The following DPYSL5 variants were observed in gnomAD, a reference collection of about 807,000 sequenced individuals.
DPYSL5 encodes dihydropyrimidinase-related protein 5.
DPYSL5 carries 9 observed loss-of-function variants against 58.4 expected under a neutral mutation model. The ratio of observed to expected loss-of-function variants is 0.15; its 90% CI spans 0.09 to 0.27. DPYSL5 has a LOEUF of 0.27. DPYSL5 is among the 10% of genes least tolerant of loss of function. DPYSL5 has a pLI of 1.00. For synonymous variants in DPYSL5, 293 were observed against 301.9 expected, an observed-to-expected ratio of 0.97 and a Z score of 0.31; for missense variants, 499 against 770.6, an observed-to-expected ratio of 0.65 and a Z score of 4.17.
At position 26,927,532 on chromosome 2, in the gene DPYSL5, G is replaced by C; in HGVS notation, c.600+100G>C. The stretch of plus-strand genomic sequence containing the variant: ...CCCGTCACTGATCCCACAGGATTCA[G>C]ACAAAATCAGTTGTTAAAGTGTGAG... On this transcript the variant is annotated intron_variant, in intron 4 of 12. Coordinates refer to ENST00000288699, the MANE Select transcript of DPYSL5 (RefSeq NM_020134.4). The surrounding 1 kb of genome is among the most constrained non-coding windows in gnomAD (Gnocchi z 4.3). The C allele has an allele frequency of 6.9e-7, 1 of 1,441,706 alleles. No homozygotes were observed. The highest frequency in any genetic ancestry group is 9.3e-7 in the Non-Finnish European group (1 of 1,072,620). The allele number at this position is 1,441,706 out of a possible 1,614,324, so 89.3% of individuals were successfully genotyped here. A position where few individuals can be genotyped will look rare whatever the true frequency, so the allele number is the denominator to read the frequency against.
chr2:26,858,375 G>A (rs1665931115), intron 1 of DPYSL5, among the ~76,000 whole-genome samples: 1 of 151,898 alleles, frequency 6.6e-6, no homozygotes, highest in South Asian at 2.1e-4. Context: ...GTTTCACCGT[G>A]TTAGCCAGGA....
intron 8 of DPYSL5, chr2:26,938,382 ACC>A (rs1665236488): frequency 6.6e-6 from 1 of 152,204 alleles, no homozygotes; most frequent in Non-Finnish European, 1.5e-5. Context: ...GAGAAAGGAA[ACC>A]CTAAAGATTC....
rs1366745452 is a variant in DPYSL5 at position 26,934,451 on chromosome 2, G to A, written c.791-127G>A. On this transcript the variant is annotated intron_variant, in intron 7 of 12. Coordinates refer to ENST00000288699, the MANE Select transcript of DPYSL5 (RefSeq NM_020134.4). The surrounding 1 kb of genome is among the most constrained non-coding windows in gnomAD (Gnocchi z 4.3). The stretch of plus-strand genomic sequence containing the variant: ...ACCCAGCTGTGCTCTTAAAAGCCCT[G>A]TGAGCTTGGGCAGGTCCCTTCCTGT... 8 of 1,156,480 alleles carry A rather than the reference G, an allele frequency of 6.9e-6. No homozygotes were observed. The highest frequency in any genetic ancestry group is 8.4e-6 in the Non-Finnish European group (7 of 830,530). The allele number at this position is 1,156,480 out of a possible 1,614,324, so 71.6% of individuals were successfully genotyped here. A position where few individuals can be genotyped will look rare whatever the true frequency, so the allele number is the denominator to read the frequency against.
intron 11 of DPYSL5, among the ~76,000 whole-genome samples, chr2:26,943,452 G>A (rs1206727595): frequency 2.6e-5 from 4 of 152,140 alleles, no homozygotes; most frequent in African/African-American, 9.7e-5. Context: ...GGAGATGGAC[G>A]GGGTTTAACC....
intron 5 of DPYSL5, among the ~76,000 whole-genome samples, 181 bp from the exon 6 acceptor site, chr2:26,931,459 G>A (rs1664986102): frequency 6.6e-6 from 1 of 151,930 alleles, no homozygotes; most frequent in Non-Finnish European, 1.5e-5. Flanking sequence ...GCCTGGTATT[G>A]TAAGACCTAG....
intron 5 of DPYSL5, among the ~76,000 whole-genome samples, chr2:26,931,199 G>GTATATATATATA (rs1287075956): frequency 6.6e-3 from 348 of 52,750 alleles, no homozygotes; most frequent in Middle Eastern, 0.013. Context: ...GTGTGTGTGT[G>GTATATATATATA]TGTGTATATA....
intron 8 of DPYSL5, among the ~76,000 whole-genome samples, chr2:26,937,848 G>A (rs980268962): frequency 1.3e-4 from 19 of 151,910 alleles, no homozygotes; most frequent in African/African-American, 4.1e-4. Flanking sequence ...TTACAGGCGT[G>A]AGCCACCCTG....
rs757759496 is a variant in DPYSL5 at position 26,933,309 on chromosome 2, G to A, written c.766G>A (p.Val256Ile). ...VNVSSISAGDVIAAAKMQGKV... is the reference protein window; with the variant it reads ...VNVSSISAGDIIAAAKMQGKV... Reference sequence around the variant, plus strand: ...CGTGTCCAGTATCTCGGCTGGTGACGTTATCGCAGCTGCTAAGATGCAAGG... The same window carrying A: ...CGTGTCCAGTATCTCGGCTGGTGACATTATCGCAGCTGCTAAGATGCAAGG... Residue 256 changes from valine to isoleucine, a missense_variant, in exon 7 of 13, where the codon GTT (valine) becomes ATT (isoleucine). Val to Ile is a conservative substitution (Grantham distance 29). Coordinates refer to ENST00000288699, the MANE Select transcript of DPYSL5 (RefSeq NM_020134.4). This position sits in a 1 kb window ranked among gnomAD's most constrained non-coding sequence, Gnocchi z 4.2. The A allele has an allele frequency of 8.7e-6, 14 of 1,614,016 alleles. No individual in the cohort carries two copies. Among genetic ancestry groups the A allele is most frequent in the South Asian group, 2.2e-5 (2 of 91,090 alleles).
rs144430871 is a variant in DPYSL5, at chr2:26,892,756, T to TGAGAGAGAGAGAGAGAGAGAGAGA, written c.-4-5725_-4-5702dup. Among the ~76,000 whole-genome samples, 35 of 138,824 alleles carry TGAGAGAGAGAGAGAGAGAGAGAGA rather than the reference T, an allele frequency of 2.5e-4. 1 individual carries two copies. The highest frequency in any genetic ancestry group is 5.3e-4 in the African/African-American group (20 of 37,988). The allele number at this position is 138,824 out of a possible 152,430, so 91.1% of individuals were successfully genotyped here. A position where few individuals can be genotyped will look rare whatever the true frequency, so the allele number is the denominator to read the frequency against. On this transcript the variant is annotated intron_variant, in intron 1 of 12. Transcript: ENST00000288699. ...CTTTGCATAGAGCATTGGGTTTGTTTGAGAGAGAGAGAGAGAGAGAGAGAG... is the reference window on the plus strand; with the variant it reads ...CTTTGCATAGAGCATTGGGTTTGTTTGAGAGAGAGAGAGAGAGAGAGAGAGAGAGAGAGAGAGAGAGAGAGAGAG...
chr2:26,860,818 A>G (rs995598664), intron 1 of DPYSL5, among the ~76,000 whole-genome samples: 1 of 152,228 alleles, frequency 6.6e-6, no homozygotes, highest in African/African-American at 2.4e-5. Context: ...GTAATACATT[A>G]TGTAATGTGA....
chr2:26,888,007 C>T (rs1235396918), intron 1 of DPYSL5, among the ~76,000 whole-genome samples: 2 of 152,186 alleles, frequency 1.3e-5, no homozygotes, highest in Non-Finnish European at 2.9e-5. Context: ...AAACTGTAAA[C>T]ATCATAAGAT....
rs150557458 is a variant in DPYSL5 at position 26,877,788 on chromosome 2, T to C, written c.-4-20708T>C. On this transcript the variant is annotated intron_variant, in intron 1 of 12. Coordinates refer to ENST00000288699, the MANE Select transcript of DPYSL5 (RefSeq NM_020134.4). The surrounding 1 kb of genome is among the most constrained non-coding windows in gnomAD (Gnocchi z 4.1). ...AAATACACATATAGATAAACATACCTTGGGTTCTGGTTTTGTCCTGTAAAC... is the reference window on the plus strand; with the variant it reads ...AAATACACATATAGATAAACATACCCTGGGTTCTGGTTTTGTCCTGTAAAC... Among the ~76,000 whole-genome samples, 167 of 152,350 alleles carry C rather than the reference T, an allele frequency of 1.1e-3. 1 individual carries two copies. The East Asian group carries it at 0.03, about 27-fold the overall frequency.
At chr2:26,865,996 G>C (rs1328306183) in intron 1 of DPYSL5, among the ~76,000 whole-genome samples, 1 of 152,196 alleles carries the variant, frequency 6.6e-6, no homozygotes, top group African/African-American at 2.4e-5. Flanking sequence ...CACCCGGTGG[G>C]TGTTTGTCTG....
intron 1 of DPYSL5, among the ~76,000 whole-genome samples, chr2:26,852,558 CATCA>C (rs1388891407): frequency 6.6e-6 from 1 of 152,198 alleles, no homozygotes; most frequent in Non-Finnish European, 1.5e-5. Context: ...CAAGCACTCC[CATCA>C]ATCACAGCCC....
chr2:26,893,884 A>T (rs1042350078), intron 1 of DPYSL5, among the ~76,000 whole-genome samples: 3 of 152,096 alleles, frequency 2.0e-5, no homozygotes, highest in African/African-American at 7.2e-5. Context: ...TACCTCAAGG[A>T]CACACTGCAA....
chr2:26,858,320 C>T (rs1285455573), intron 1 of DPYSL5, among the ~76,000 whole-genome samples: 2 of 151,798 alleles, frequency 1.3e-5, no homozygotes, highest in Non-Finnish European at 2.9e-5. Flanking sequence ...TACAGGCACG[C>T]GCCACCAAGC....
Position 26,898,288 on chromosome 2 carries a change from C to T in DPYSL5, c.-4-208C>T, listed in dbSNP as rs541377272. 1.0e-3 allele frequency among the ~76,000 whole-genome samples: 159 copies of T among 152,232 alleles called. No homozygotes were observed. The highest frequency in any genetic ancestry group is 3.6e-3 in the African/African-American group (148 of 41,540). ...ATGATGTTTCTGTAGGCCCCAGCTT[C>T]TCCCTTACTGCAGCTGTGTCCTGAT... On this transcript the variant is annotated intron_variant, in intron 1 of 12. Transcript: ENST00000288699. This position sits in a 1 kb window ranked among gnomAD's most constrained non-coding sequence, Gnocchi z 6.1.
intron 9 of DPYSL5, among the ~76,000 whole-genome samples, chr2:26,940,722 G>A (rs1195314266): frequency 6.6e-6 from 1 of 151,454 alleles, no homozygotes; most frequent in Non-Finnish European, 1.5e-5. Flanking sequence ...TATACCCTGA[G>A]TGTCTCCCTA....
At chr2:26,901,377 C>T (rs1301676724) in intron 2 of DPYSL5, among the ~76,000 whole-genome samples, 1 of 152,094 alleles carries the variant, frequency 6.6e-6, no homozygotes, top group African/African-American at 2.4e-5. Flanking sequence ...TCCTGAAATT[C>T]CTGCCCTTGA....
Sources: gnomAD v4.1 joint callset for allele counts (sites outside exome capture counted in the v4.1 genomes callset) on GRCh38, gnomAD v4.1.1 for gene constraint, Gnocchi (gnomAD v3.1) non-coding constraint, MANE v1.5 for transcripts, NCBI Gene and HGNC (gene_info 2026-07-23, HGNC 2026-07-21) for gene names.